The following EXOC6B variants were observed in gnomAD, a reference collection of about 807,000 sequenced individuals.
EXOC6B encodes the protein SEC15 homolog B.
In EXOC6B, 54 loss-of-function variants were observed where a neutral mutation model predicts 113.5. That is an observed-to-expected ratio of 0.48 (90% confidence interval 0.38 to 0.60). EXOC6B has a LOEUF of 0.60. Ranked by LOEUF, EXOC6B falls within the 20% of genes least tolerant of loss-of-function variation. The pLI is 0.00. For missense variants in EXOC6B, 797 were observed against 977.5 expected, an observed-to-expected ratio of 0.82 and a Z score of 2.46; for synonymous variants, 357 against 339.0, an observed-to-expected ratio of 1.05 and a Z score of -0.58.
chr2:72,556,764 A>G (rs1703570167), intron 8 of EXOC6B, among the ~76,000 whole-genome samples: 1 of 152,086 alleles, frequency 6.6e-6, no homozygotes. Flanking sequence ...AAAAAACTCA[A>G]AAGTTTAAAC....
At chr2:72,619,000 G>A (rs555591763) in intron 6 of EXOC6B, among the ~76,000 whole-genome samples, 1 of 152,308 alleles carries the variant, frequency 6.6e-6, no homozygotes, top group African/African-American at 2.4e-5. Context: ...GTAAAATAGT[G>A]TTGCTAATGA....
At position 72,237,493 on chromosome 2, in the gene EXOC6B, C is replaced by A. The variant is rs577820658; in HGVS notation, c.2197-53306G>T. On this transcript the variant is annotated intron_variant, in intron 20 of 21. Coordinates refer to ENST00000272427, the MANE Select transcript of EXOC6B (RefSeq NM_015189.3). ...GAAAAAAAATATGCAAAGAAACCAA[C>A]ATATGGATTATGAACAAAACACAAA... Among the ~76,000 whole-genome samples, 110 of 152,156 alleles carry A rather than the reference C, an allele frequency of 7.2e-4. No homozygotes were observed. In the South Asian group the frequency reaches 0.014, roughly 19 times the overall value.
chr2:72,373,630 C>T (rs1479431280), intron 19 of EXOC6B, among the ~76,000 whole-genome samples: 2 of 152,120 alleles, frequency 1.3e-5, no homozygotes, highest in Non-Finnish European at 2.9e-5. Context: ...CTCAAAAGAA[C>T]ACATACAAAT....
chr2:72,314,514 T>C (rs1469081089), intron 20 of EXOC6B, among the ~76,000 whole-genome samples: 3 of 152,168 alleles, frequency 2.0e-5, no homozygotes, highest in African/African-American at 7.2e-5. Context: ...AGTTTTTCTC[T>C]CCGTACCAAA....
chr2:72,345,363 A>G (rs1689267903), intron 19 of EXOC6B, among the ~76,000 whole-genome samples: 1 of 152,162 alleles, frequency 6.6e-6, no homozygotes, highest in Non-Finnish European at 1.5e-5. Flanking sequence ...TTATGTCCAC[A>G]TAGGAATCTG....
intron 18 of EXOC6B, among the ~76,000 whole-genome samples, chr2:72,403,467 G>T (rs551928552): frequency 1.6e-4 from 25 of 152,216 alleles, no homozygotes; most frequent in Non-Finnish European, 3.4e-4. Context: ...TGGTAGGATT[G>T]CTTGAGGCTA....
At chr2:72,501,647 AT>A (rs889227735) in intron 11 of EXOC6B, among the ~76,000 whole-genome samples, 1 of 151,252 alleles carries the variant, frequency 6.6e-6, no homozygotes, top group African/African-American at 2.4e-5. Context: ...TTATCTTTTC[AT>A]GGTTAATAAA....
intron 19 of EXOC6B, among the ~76,000 whole-genome samples, chr2:72,357,374 A>G (rs1304591999): frequency 2.0e-5 from 3 of 152,152 alleles, no homozygotes; most frequent in Non-Finnish European, 4.4e-5. Context: ...TCAATTGTAT[A>G]TATGATGGTG....
At chr2:72,396,987 A>C (rs1003392728) in intron 18 of EXOC6B, among the ~76,000 whole-genome samples, 7 of 150,506 alleles carry the variant, frequency 4.7e-5, no homozygotes, top group Non-Finnish European at 2.9e-5. Flanking sequence ...AAAAAAAAAA[A>C]CATATTTTCA....
At chr2:72,459,694 G>T (rs1231687209) in intron 18 of EXOC6B, among the ~76,000 whole-genome samples, 3 of 151,898 alleles carry the variant, frequency 2.0e-5, no homozygotes, top group African/African-American at 4.8e-5. Context: ...CACTGCTCAA[G>T]GAAATAAAAG....
chr2:72,707,701 C>T (rs374036972), intron 6 of EXOC6B, among the ~76,000 whole-genome samples: 6 of 152,040 alleles, frequency 3.9e-5, no homozygotes, highest in Non-Finnish European at 7.4e-5. Flanking sequence ...TGTGAGCCAC[C>T]GCACCCAGCC....
At chr2:72,225,007 A>ATATATATAT (rs1681138635) in intron 20 of EXOC6B, among the ~76,000 whole-genome samples, 1 of 114,178 alleles carries the variant, frequency 8.8e-6, no homozygotes, top group African/African-American at 3.0e-5. Context: ...TATATATATA[A>ATATATATAT]ATACACATAC....
intron 6 of EXOC6B, among the ~76,000 whole-genome samples, chr2:72,649,972 G>A (rs1005086838): frequency 6.6e-6 from 1 of 152,156 alleles, no homozygotes; most frequent in Non-Finnish European, 1.5e-5. Flanking sequence ...CAGAACAGGG[G>A]TCCCCAACCC....
At chr2:72,753,278 C>T (rs1462974575) in intron 1 of EXOC6B, among the ~76,000 whole-genome samples, 11 of 151,842 alleles carry the variant, frequency 7.2e-5, no homozygotes, top group Admixed American at 7.2e-4. Flanking sequence ...TAACTTTCTA[C>T]CCAAACCCAC....
At chr2:72,541,765 A>C (rs1702617454) in intron 8 of EXOC6B, among the ~76,000 whole-genome samples, 1 of 152,128 alleles carries the variant, frequency 6.6e-6, no homozygotes, top group Non-Finnish European at 1.5e-5. Context: ...TTTCTTTATG[A>C]TTTAGTAATA....
At chr2:72,787,812 T>C (rs958149421) in intron 1 of EXOC6B, among the ~76,000 whole-genome samples, 1 of 152,086 alleles carries the variant, frequency 6.6e-6, no homozygotes, top group Non-Finnish European at 1.5e-5. Context: ...TGTATATTTT[T>C]TTTCTTGTAG....
At chr2:72,367,008 T>C (rs1448036235) in intron 19 of EXOC6B, among the ~76,000 whole-genome samples, 1 of 151,946 alleles carries the variant, frequency 6.6e-6, no homozygotes, top group African/African-American at 2.4e-5. Context: ...AGTAAACACA[T>C]GGGTAATTAT....
intron 1 of EXOC6B, among the ~76,000 whole-genome samples, chr2:72,799,275 A>G (rs1685155718): frequency 6.6e-6 from 1 of 150,856 alleles, no homozygotes; most frequent in Admixed American, 6.6e-5. Context: ...ACATAAAATA[A>G]TAAAATAAAA....
intron 8 of EXOC6B, among the ~76,000 whole-genome samples, chr2:72,542,026 G>A (rs1232826454): frequency 1.3e-5 from 2 of 152,044 alleles, no homozygotes; most frequent in African/African-American, 2.4e-5. Context: ...TAATTTCAGG[G>A]CAATGAGAAA....
Sources: allele counts gnomAD v4.1 joint callset (sites outside exome capture counted in the v4.1 genomes callset), GRCh38; gene constraint gnomAD v4.1.1; transcripts MANE v1.5; gene names NCBI Gene and HGNC (gene_info 2026-07-23, HGNC 2026-07-21).